The following TSHZ1 variants were observed in gnomAD, a reference collection of about 807,000 sequenced individuals.
TSHZ1 encodes teashirt zinc finger homeobox 1.
Under a neutral mutation model 67.1 loss-of-function variants are expected in TSHZ1, and 12 were observed. The ratio of observed to expected loss-of-function variants is 0.18; its 90% CI spans 0.11 to 0.29. TSHZ1 has a LOEUF of 0.29. TSHZ1 is among the 10% of genes least tolerant of loss of function. The pLI is 1.00. For synonymous variants in TSHZ1, 632 were observed against 622.4 expected, an observed-to-expected ratio of 1.02 and a Z score of -0.23; for missense variants, 1,305 against 1,413.9, an observed-to-expected ratio of 0.92 and a Z score of 1.23.
Position 75,289,391 on chromosome 18 carries a change from A to C in TSHZ1, c.*750A>C, listed in dbSNP as rs369484259. On this transcript the variant is annotated 3_prime_UTR_variant, in exon 2 of 2. Transcript: ENST00000580243. ...GCAAGCTATTATTTAAAAATGTGTA[A>C]AAATGCTATTTCTTTTTTCCTGTAA... The C allele has an allele frequency of 3.0e-5, 5 of 166,982 alleles. No homozygotes were observed. The highest frequency in any genetic ancestry group is 1.2e-4 in the African/African-American group (5 of 41,458). The allele number at this position is 166,982 out of a possible 1,614,324, so 10.3% of individuals were successfully genotyped here. A position where few individuals can be genotyped will look rare whatever the true frequency, so the allele number is the denominator to read the frequency against.
At chr18:75,255,184 G>A (rs2023348518) in intron 1 of TSHZ1, among the ~76,000 whole-genome samples, 1 of 152,096 alleles carries the variant, frequency 6.6e-6, no homozygotes, top group African/African-American at 2.4e-5. Flanking sequence ...CATCTGGGAT[G>A]CTTTCTCTAA....
At chr18:75,239,160 G>A (rs569083451) in intron 1 of TSHZ1, among the ~76,000 whole-genome samples, 45 of 152,358 alleles carry the variant, frequency 3.0e-4, no homozygotes, top group Admixed American at 7.8e-4. Context: ...GGGTCCCCAG[G>A]GCTCTGGAAG....
rs1314259413 is a variant in TSHZ1, at chr18:75,281,209, G to C, written c.41-4239G>C. Among the ~76,000 whole-genome samples the C allele has an allele frequency of 6.6e-6, 1 of 152,186 alleles. No individual in the cohort carries two copies. The highest frequency in any genetic ancestry group is 2.4e-5 in the African/African-American group (1 of 41,442). On this transcript the variant is annotated intron_variant, in intron 1 of 1. Transcript: ENST00000580243. This position sits in a 1 kb window ranked among gnomAD's most constrained non-coding sequence, Gnocchi z 5.3. ...ACGTTGGAAGGCTCTGGCCACAGCTGGTCATCAGTGCGGGGGGCCAGTTTG... is the reference window on the plus strand; with the variant it reads ...ACGTTGGAAGGCTCTGGCCACAGCTCGTCATCAGTGCGGGGGGCCAGTTTG...
chr18:75,267,140 AC>A (rs1228121015), intron 1 of TSHZ1, among the ~76,000 whole-genome samples: 1 of 152,214 alleles, frequency 6.6e-6, no homozygotes, highest in Non-Finnish European at 1.5e-5. Flanking sequence ...ATGAATATAC[AC>A]CATGATTACA....
At position 75,287,034 on chromosome 18, in the gene TSHZ1, G is replaced by A. The variant is rs751522757; in HGVS notation, c.1627G>A (p.Asp543Asn). The change falls in exon 2 of 2, where the codon GAC becomes AAC. Residue 543 changes from aspartate to asparagine, a missense_variant. Coordinates refer to ENST00000580243, the MANE Select transcript of TSHZ1 (RefSeq NM_001308210.2). The surrounding 1 kb of genome is among the most constrained non-coding windows in gnomAD (Gnocchi z 5.0). ...GTACCTGCGTGAGGAGGACCTGGAC[G>A]ACAGCCCCAAGGGAGGGCTGGACAT... ...YPYLREEDLD[D>N]SPKGGLDILK... 23 of 1,613,860 alleles carry A rather than the reference G, an allele frequency of 1.4e-5. No homozygotes were observed. The highest frequency in any genetic ancestry group is 1.6e-4 in the Middle Eastern group (1 of 6,084).
rs75790877 is a variant in TSHZ1 at position 75,288,038 on chromosome 18, C to T, written c.2631C>T (p.Asp877=). 2,458 of 1,614,036 alleles carry T rather than the reference C, an allele frequency of 1.5e-3. 33 individuals carry two copies. The African/African-American group carries it at 0.027, about 18-fold the overall frequency. ...ADGSSFEEAL[D]ELSPVHKRKG... is the part of the protein sequence containing the mutation. ...GCAGCAGCTTTGAGGAGGCGTTGGA[C>T]GAGCTGTCACCGGTCCACAAGAGGA... is the stretch of plus-strand genomic sequence containing the variant. The change falls in exon 2 of 2, where the codon GAC becomes GAT. Residue 877 remains aspartate, a synonymous_variant. Coordinates refer to ENST00000580243, the MANE Select transcript of TSHZ1 (RefSeq NM_001308210.2). The surrounding 1 kb of genome is among the most constrained non-coding windows in gnomAD (Gnocchi z 4.9).
At chr18:75,264,690 G>A (rs2023470032) in intron 1 of TSHZ1, among the ~76,000 whole-genome samples, 1 of 152,108 alleles carries the variant, frequency 6.6e-6, no homozygotes, top group Non-Finnish European at 1.5e-5. Flanking sequence ...TGCGTTCAAG[G>A]GAAGGAACTG....
rs576869812 is a variant in TSHZ1, at chr18:75,211,906, G to A, written c.30G>A (p.Arg10=). The A allele has an allele frequency of 5.5e-5, 66 of 1,200,486 alleles. No homozygotes were observed. The East Asian group carries it at 1.8e-3, about 32-fold the overall frequency. The allele number at this position is 1,200,486 out of a possible 1,614,324, so 74.4% of individuals were successfully genotyped here. A position where few individuals can be genotyped will look rare whatever the true frequency, so the allele number is the denominator to read the frequency against. ...CGAGGAGGAAGCAGCAGGCCCCCCG[G>A]CGCTCGGCAGGTAACGGGCGCGCGG... MPRRKQQAP[R]RSAAYVPEEE... is the part of the protein sequence containing the mutation. The change falls in exon 1 of 2, where the codon CGG becomes CGA. Residue 10 remains arginine (R), a synonymous_variant. Transcript: ENST00000580243.
At chr18:75,239,877 C>T (rs1322224368) in intron 1 of TSHZ1, among the ~76,000 whole-genome samples, 2 of 152,188 alleles carry the variant, frequency 1.3e-5, no homozygotes, top group Admixed American at 6.5e-5. Flanking sequence ...GCATTGAATA[C>T]GAGGAGGTAC....
intron 1 of TSHZ1, among the ~76,000 whole-genome samples, chr18:75,226,126 T>C (rs1453362869): frequency 2.0e-5 from 3 of 152,176 alleles, no homozygotes; most frequent in African/African-American, 7.2e-5. Flanking sequence ...TTATATCAAA[T>C]ATAAACATAT....
intron 1 of TSHZ1, among the ~76,000 whole-genome samples, chr18:75,213,416 C>T (rs559165763): frequency 1.6e-4 from 24 of 152,282 alleles, no homozygotes; most frequent in African/African-American, 5.5e-4. Flanking sequence ...TCAAGATATT[C>T]GCCACTTGCT....
At chr18:75,223,735 C>T (rs531387406) in intron 1 of TSHZ1, among the ~76,000 whole-genome samples, 3 of 152,044 alleles carry the variant, frequency 2.0e-5, no homozygotes, top group Non-Finnish European at 2.9e-5. Flanking sequence ...CTCTGCAGCC[C>T]TGGCCCTGCA....
intron 1 of TSHZ1, among the ~76,000 whole-genome samples, chr18:75,234,685 A>T (rs754824623): frequency 2.0e-5 from 3 of 151,994 alleles, no homozygotes; most frequent in South Asian, 2.1e-4. Flanking sequence ...AACTCAAATT[A>T]AAAAAAATGC....
chr18:75,250,003 C>T (rs1450309729), intron 1 of TSHZ1, among the ~76,000 whole-genome samples: 1 of 150,232 alleles, frequency 6.7e-6, no homozygotes, highest in Non-Finnish European at 1.5e-5. Context: ...CTCATCTCAC[C>T]CCTGCAGTAG....
intron 1 of TSHZ1, among the ~76,000 whole-genome samples, chr18:75,212,589 C>T (rs117628299): frequency 6.6e-6 from 1 of 152,118 alleles, no homozygotes; most frequent in Admixed American, 6.5e-5. Flanking sequence ...TGTGATTGAT[C>T]GCCTGTCATC....
rs534954138 is a variant in TSHZ1 at position 75,226,146 on chromosome 18, G to A, written c.40+14230G>A. Among the ~76,000 whole-genome samples the A allele has an allele frequency of 9.9e-4, 150 of 152,278 alleles. 3 individuals are homozygous for A. The South Asian group carries it at 0.031, about 31-fold the overall frequency. On this transcript the variant is annotated intron_variant, in intron 1 of 1. Coordinates refer to ENST00000580243, the MANE Select transcript of TSHZ1 (RefSeq NM_001308210.2). ...TCAAATATAAACATATGTTTGCAGT[G>A]TACAAATGTCTTGCATATTCAAAGC...
chr18:75,272,225 C>T (rs2581645), intron 1 of TSHZ1, among the ~76,000 whole-genome samples: 1,808 of 152,354 alleles, frequency 0.012, 29 homozygotes, highest in African/African-American at 0.041. Flanking sequence ...GAAGAGCACG[C>T]AGGTCTGAGA....
intron 1 of TSHZ1, among the ~76,000 whole-genome samples, chr18:75,263,439 A>G (rs896504314): frequency 5.3e-5 from 8 of 152,236 alleles, no homozygotes; most frequent in Non-Finnish European, 8.8e-5. Context: ...TAATCAATAT[A>G]TTCTCTGACA....
At chr18:75,232,806 T>G (rs544766136) in intron 1 of TSHZ1, among the ~76,000 whole-genome samples, 1 of 152,258 alleles carries the variant, frequency 6.6e-6, no homozygotes, top group African/African-American at 2.4e-5. Context: ...CTGTATATTT[T>G]GCAACATCCT....
Sources: gnomAD v4.1 joint callset for allele counts (sites outside exome capture counted in the v4.1 genomes callset) on GRCh38, gnomAD v4.1.1 for gene constraint, Gnocchi (gnomAD v3.1) non-coding constraint, MANE v1.5 for transcripts, NCBI Gene and HGNC (gene_info 2026-07-23, HGNC 2026-07-21) for gene names.